LRMDA: variants seen among roughly 807,000 people sequenced by gnomAD.
LRMDA encodes leucine-rich melanocyte differentiation-associated protein.
Under a neutral mutation model 29.8 loss-of-function variants are expected in LRMDA, and 18 were observed. The ratio of observed to expected loss-of-function variants is 0.60; its 90% CI spans 0.42 to 0.90. LRMDA has a LOEUF of 0.90. LRMDA is among the 40% of genes least tolerant of loss of function. The probability of loss-of-function intolerance (pLI) is 0.00; values close to 1 mark genes in which losing one functional copy is unlikely to be tolerated. For missense variants in LRMDA, 273 were observed against 273.9 expected, an observed-to-expected ratio of 1.00 and a Z score of 0.02; for synonymous variants, 125 against 109.4, an observed-to-expected ratio of 1.14 and a Z score of -0.89.
At position 75,520,728 on chromosome 10, in the gene LRMDA, C is replaced by T. The variant is rs146495200; in HGVS notation, c.131+82234C>T. ...CCGTCCTGCTTTGTTCTGTTGCTGG[C>T]GAGGAGCTGTGATCCTTTGGAGGAG... On this transcript the variant is annotated intron_variant, in intron 2 of 6. Transcript: ENST00000611255. 5.3e-3 allele frequency among the ~76,000 whole-genome samples: 812 copies of T among 152,228 alleles called. 27 individuals carry two copies. The highest frequency in any genetic ancestry group is 1.3e-3 in the Non-Finnish European group (87 of 68,032).
At chr10:75,812,073 C>G (rs1047262744) in intron 2 of LRMDA, among the ~76,000 whole-genome samples, 1 of 139,124 alleles carries the variant, frequency 7.2e-6, no homozygotes, top group Non-Finnish European at 1.5e-5. Context: ...ATGACCTTTA[C>G]AGTGACTAAT....
chr10:75,699,179 C>T (rs941380770), intron 2 of LRMDA, among the ~76,000 whole-genome samples: 5 of 146,814 alleles, frequency 3.4e-5, no homozygotes, highest in African/African-American at 5.1e-5. Flanking sequence ...CCAGCCTAGG[C>T]GACAGAGTGA....
chr10:76,511,446 G>A (rs1207445474), intron 6 of LRMDA, among the ~76,000 whole-genome samples: 1 of 152,140 alleles, frequency 6.6e-6, no homozygotes, highest in Non-Finnish European at 1.5e-5. Context: ...TCAGCAGCCA[G>A]ATAATGGAGT....
intron 5 of LRMDA, among the ~76,000 whole-genome samples, chr10:76,100,403 A>G (rs970398325): frequency 6.6e-6 from 1 of 152,212 alleles, no homozygotes; most frequent in Non-Finnish European, 1.5e-5. Context: ...GGCCATACAC[A>G]GGAACGGAAG....
At chr10:76,093,477 C>A (rs922361426) in intron 5 of LRMDA, among the ~76,000 whole-genome samples, 3 of 152,150 alleles carry the variant, frequency 2.0e-5, no homozygotes, top group African/African-American at 7.2e-5. Flanking sequence ...CTTCTCCCAC[C>A]TGAAAGATGA....
chr10:76,069,989 A>G (rs1055254028), intron 5 of LRMDA, among the ~76,000 whole-genome samples: 3 of 152,112 alleles, frequency 2.0e-5, no homozygotes, highest in African/African-American at 7.2e-5. Flanking sequence ...TCCAAGTTTC[A>G]GGGTAATGTT....
At chr10:76,321,087 T>A (rs1460057259) in intron 5 of LRMDA, among the ~76,000 whole-genome samples, 1 of 152,228 alleles carries the variant, frequency 6.6e-6, no homozygotes, top group African/African-American at 2.4e-5. Flanking sequence ...TTTATTTTCC[T>A]CATCGACAGA....
At chr10:75,635,960 C>T (rs1841385889) in intron 2 of LRMDA, among the ~76,000 whole-genome samples, 1 of 152,142 alleles carries the variant, frequency 6.6e-6, no homozygotes, top group African/African-American at 2.4e-5. Flanking sequence ...GAGATTTGAA[C>T]AATTGTGCTA....
At chr10:75,622,208 A>T (rs2132107357) in intron 2 of LRMDA, among the ~76,000 whole-genome samples, 1 of 152,330 alleles carries the variant, frequency 6.6e-6, no homozygotes, top group South Asian at 2.1e-4. Flanking sequence ...AAGAGAGAAG[A>T]TTCTTAAGGC....
intron 6 of LRMDA, among the ~76,000 whole-genome samples, chr10:76,472,878 CA>C (rs752946632): frequency 1.3e-5 from 2 of 151,076 alleles, no homozygotes; most frequent in East Asian, 2.0e-4. Flanking sequence ...AACAAACAAA[CA>C]AAAAACAACC....
At chr10:75,564,906 A>T (rs963710970) in intron 2 of LRMDA, among the ~76,000 whole-genome samples, 23 of 152,192 alleles carry the variant, frequency 1.5e-4, no homozygotes, top group Non-Finnish European at 2.9e-5. Context: ...CAATTCCATG[A>T]TTTTACATAA....
intron 5 of LRMDA, among the ~76,000 whole-genome samples, chr10:76,125,363 G>T (rs79033986): frequency 0.021 from 3,123 of 152,290 alleles, 112 homozygotes; most frequent in African/African-American, 0.071. Flanking sequence ...ACAACACTTT[G>T]AAATGAGGTG....
intron 2 of LRMDA, among the ~76,000 whole-genome samples, chr10:75,709,051 T>C (rs1477150030): frequency 6.6e-6 from 1 of 152,224 alleles, no homozygotes; most frequent in Non-Finnish European, 1.5e-5. Flanking sequence ...CTTCACTTAT[T>C]TGCATTGTCA....
intron 2 of LRMDA, among the ~76,000 whole-genome samples, chr10:75,652,651 G>A (rs915290623): frequency 2.0e-5 from 3 of 152,176 alleles, no homozygotes; most frequent in African/African-American, 7.2e-5. Context: ...CGGCTGCAGT[G>A]TCTTCCGGTG....
intron 6 of LRMDA, among the ~76,000 whole-genome samples, chr10:76,511,557 G>A (rs1049379538): frequency 6.6e-6 from 1 of 151,880 alleles, no homozygotes. Context: ...ATCAATATGT[G>A]AAAAATCAAT....
At chr10:76,154,933 G>C (rs1280391240) in intron 5 of LRMDA, among the ~76,000 whole-genome samples, 1 of 152,088 alleles carries the variant, frequency 6.6e-6, no homozygotes. Flanking sequence ...GAAGGAGAAA[G>C]CATGCTCATT....
intron 2 of LRMDA, among the ~76,000 whole-genome samples, chr10:75,473,178 A>G (rs1844745631): frequency 6.6e-6 from 1 of 152,224 alleles, no homozygotes; most frequent in African/African-American, 2.4e-5. Context: ...GTTCTGGGCT[A>G]GTGATATGAG....
chr10:76,391,275 CA>C (rs1023279473), intron 6 of LRMDA, among the ~76,000 whole-genome samples: 1 of 152,118 alleles, frequency 6.6e-6, no homozygotes, highest in African/African-American at 2.4e-5. Flanking sequence ...CCCTTAGCTG[CA>C]GACAAAGAGA....
chr10:75,742,339 T>C (rs1399595954), intron 2 of LRMDA, among the ~76,000 whole-genome samples: 1 of 152,072 alleles, frequency 6.6e-6, no homozygotes, highest in Non-Finnish European at 1.5e-5. Flanking sequence ...GACGAAATGG[T>C]CAGTGGGCCT....
Sources: gnomAD v4.1 joint callset for allele counts (sites outside exome capture counted in the v4.1 genomes callset) on GRCh38, gnomAD v4.1.1 for gene constraint, MANE v1.5 for transcripts, NCBI Gene and HGNC (gene_info 2026-07-23, HGNC 2026-07-21) for gene names.